Variants in MLYCD observed in about 807,000 individuals in gnomAD.
MLYCD encodes the protein malonyl-CoA decarboxylase, mitochondrial.
MLYCD carries 27 observed loss-of-function variants against 35.8 expected under a neutral mutation model. The ratio of observed to expected loss-of-function variants is 0.75; its 90% confidence interval spans 0.56 to 1.04. MLYCD has a LOEUF of 1.04. Among genes scored for constraint, MLYCD ranks in the 50% least tolerant of loss-of-function variants. The pLI is 0.00. For missense variants in MLYCD, 917 were observed against 665.1 expected, an observed-to-expected ratio of 1.38 and a Z score of -4.17; for synonymous variants, 403 against 302.4, an observed-to-expected ratio of 1.33 and a Z score of -3.45.
intron 1 of MLYCD, among the ~76,000 whole-genome samples, chr16:83,901,649 C>T (rs1906789695): frequency 6.6e-6 from 1 of 152,202 alleles, no homozygotes; most frequent in East Asian, 1.9e-4. Context: ...TTTTGTTCTT[C>T]CCCACTCAAG....
Position 83,908,234 on chromosome 16 carries a change from G to A in MLYCD, c.750G>A (p.Leu250=), listed in dbSNP as rs1159213636. 1.2e-6 allele frequency: 2 copies of A among 1,614,062 alleles called. No homozygotes were observed. The highest frequency in any genetic ancestry group is 2.2e-5 in the East Asian group (1 of 44,894). Residue 250 remains leucine (L), a synonymous_variant, in exon 3 of 5, where the codon CTG becomes CTA. Coordinates refer to ENST00000262430, the MANE Select transcript of MLYCD (RefSeq NM_012213.3). ...FSHCSTPGEP[L]VVLHVALTGD... ...ACTGTTCGACCCCTGGGGAGCCCCT[G>A]GTCGTTTTGCACGTGGCACTGACTG...
At chr16:83,914,709 A>G (rs903477967) in intron 4 of MLYCD, 41 of 520,040 alleles carry the variant, frequency 7.9e-5, no homozygotes, top group Non-Finnish European at 1.2e-4. Flanking sequence ...GACCCAGGAG[A>G]TGGAGGCTGC....
Position 83,925,650 on chromosome 16 carries a change from ACCCT to A in MLYCD, c.*10165_*10168del, listed in dbSNP as rs1429056405. On this transcript the variant is annotated 3_prime_UTR_variant, in exon 5 of 5. Transcript: ENST00000262430. The stretch of plus-strand genomic sequence containing the variant: ...GGCCTCTCAAGCCTGCTGTGGCCTG[ACCCT>A]CCCCTCTGCTTTTCCAGGCCCTCCT... 7.0e-6 allele frequency: 1 copy of A among 142,720 alleles called. No homozygotes were observed. Among genetic ancestry groups the A allele is most frequent in the Non-Finnish European group, 1.5e-5 (1 of 65,544 alleles). The allele number at this position is 142,720 out of a possible 1,614,324, so 8.8% of individuals were successfully genotyped here.
At chr16:83,911,436 C>A (rs747266020) in intron 3 of MLYCD, among the ~76,000 whole-genome samples, 1 of 152,204 alleles carries the variant, frequency 6.6e-6, no homozygotes, top group African/African-American at 2.4e-5. Flanking sequence ...GGTTTCCCTG[C>A]TTCAAAGCAA....
intron 1 of MLYCD, 118 bp from the exon 2 acceptor site, chr16:83,906,869 T>C: frequency 4.5e-6 from 4 of 887,094 alleles, no homozygotes; most frequent in Non-Finnish European, 5.8e-6. Flanking sequence ...AGAGTTGTCT[T>C]GCACAATTGT....
chr16:83,921,185 A>T lies in MLYCD; in HGVS notation c.*5696A>T, dbSNP rs1236592713. ...GATGGAAGGAAGATGGGTGGATGGA[A>T]GGAAGATGGATGGATGGAATGATGG... On this transcript the variant is annotated 3_prime_UTR_variant, in exon 5 of 5. Transcript: ENST00000262430. The T allele has an allele frequency of 6.8e-6, 1 of 147,468 alleles. No individual in the cohort carries two copies. The highest frequency in any genetic ancestry group is 6.7e-5 in the Admixed American group (1 of 14,862). 9.1% of individuals were successfully genotyped at this position (147,468 alleles called of 1,614,324 possible). A position where few individuals can be genotyped will look rare whatever the true frequency, so the allele number is the denominator to read the frequency against.
rs1399745223 is a variant in MLYCD at position 83,907,034 on chromosome 16, C to T, written c.576C>T (p.Ser192=). 19 of 1,613,910 alleles carry T rather than the reference C, an allele frequency of 1.2e-5. No individual in the cohort carries two copies. Among genetic ancestry groups the T allele is most frequent in the East Asian group, 4.5e-5 (2 of 44,866 alleles). The change falls in exon 2 of 5, where the codon TCC becomes TCT. Residue 192 remains serine, a synonymous_variant. Coordinates refer to ENST00000262430, the MANE Select transcript of MLYCD (RefSeq NM_012213.3). Reference sequence around the variant, plus strand: ...GAATGCTCTCAGAATGGTTTTCCTCCGGGTTCCTGAACCTAGAACGGGTTA... The same window carrying T: ...GAATGCTCTCAGAATGGTTTTCCTCTGGGTTCCTGAACCTAGAACGGGTTA... ...LKGMLSEWFS[S]GFLNLERVTW...
chr16:83,902,482 T>G (rs1207353557), intron 1 of MLYCD, among the ~76,000 whole-genome samples: 19 of 149,816 alleles, frequency 1.3e-4, no homozygotes, highest in Admixed American at 1.2e-3. Context: ...TGTGGTATGA[T>G]CTGATCTATT....
At chr16:83,899,998 A>T (rs1597286501) in intron 1 of MLYCD, among the ~76,000 whole-genome samples, 2 of 152,178 alleles carry the variant, frequency 1.3e-5, no homozygotes, top group Non-Finnish European at 2.9e-5. Context: ...TTTTGAAATT[A>T]TTGTAGCTGA....
At chr16:83,907,132 T>C in intron 2 of MLYCD, 33 bp downstream of exon 2, 1 of 1,520,332 alleles carries the variant, frequency 6.6e-7, no homozygotes, top group Non-Finnish European at 9.1e-7. Flanking sequence ...TCTTTGTACA[T>C]ACATTTTTCA....
intron 1 of MLYCD, among the ~76,000 whole-genome samples, chr16:83,902,290 C>T (rs1012304790): frequency 6.7e-6 from 1 of 149,854 alleles, no homozygotes; most frequent in East Asian, 2.0e-4. Context: ...TCTTGAACTC[C>T]TGGCCTCAAG....
In MLYCD at chr16:83,915,658, T is replaced by C; in HGVS notation, c.*169T>C. On this transcript the variant is annotated 3_prime_UTR_variant, in exon 5 of 5. Coordinates refer to ENST00000262430, the MANE Select transcript of MLYCD (RefSeq NM_012213.3). ...GGCCAGGCCTCAACTTCCCTCACCC[T>C]GGGCGTGACATGCACCCAGTGCAAG... is the stretch of plus-strand genomic sequence containing the variant. 6.7e-7 allele frequency: 1 copy of C among 1,501,936 alleles called. No individual in the cohort carries two copies. Among genetic ancestry groups the C allele is most frequent in the Non-Finnish European group, 8.9e-7 (1 of 1,128,774 alleles). The allele number at this position is 1,501,936 out of a possible 1,614,324, so 93.0% of individuals were successfully genotyped here. A position where few individuals can be genotyped will look rare whatever the true frequency, so the allele number is the denominator to read the frequency against.
At position 83,915,827 on chromosome 16, in the gene MLYCD, T is replaced by C; in HGVS notation, c.*338T>C. The stretch of plus-strand genomic sequence containing the variant: ...CAGGAAGCTGTGCAGCCTCTGCCAT[T>C]GCCATCCCAGGGGGATCTGGCATCC... On this transcript the variant is annotated 3_prime_UTR_variant, in exon 5 of 5. Coordinates refer to ENST00000262430, the MANE Select transcript of MLYCD (RefSeq NM_012213.3). 1.6e-6 allele frequency: 2 copies of C among 1,234,754 alleles called. No homozygotes were observed. The highest frequency in any genetic ancestry group is 2.1e-6 in the Non-Finnish European group (2 of 974,616). 76.5% of individuals were successfully genotyped at this position (1,234,754 alleles called of 1,614,324 possible).
rs1907788886 is a variant in MLYCD, at chr16:83,925,829, G to A, written c.*10340G>A. 6.6e-6 allele frequency: 1 copy of A among 152,492 alleles called. No homozygotes were observed. The highest frequency in any genetic ancestry group is 2.4e-5 in the African/African-American group (1 of 41,468). 9.4% of individuals were successfully genotyped at this position (152,492 alleles called of 1,614,324 possible). A position where few individuals can be genotyped will look rare whatever the true frequency, so the allele number is the denominator to read the frequency against. On this transcript the variant is annotated 3_prime_UTR_variant, in exon 5 of 5. Coordinates refer to ENST00000262430, the MANE Select transcript of MLYCD (RefSeq NM_012213.3). The stretch of plus-strand genomic sequence containing the variant: ...AGTTCATCCATCGTCCTCTCCTCAG[G>A]AAGATTTCCCTGGTGGCTTGACTAG...
In MLYCD at chr16:83,899,167, T is replaced by C. The variant is rs1171632147; in HGVS notation, c.23T>C (p.Leu8Ser). Reference sequence around the variant, plus strand: ...ACCATGCGAGGCTTCGGGCCAGGCTTGACGGCCAGGCGTCTCCTCCCGCTG... The same window carrying C: ...ACCATGCGAGGCTTCGGGCCAGGCTCGACGGCCAGGCGTCTCCTCCCGCTG... MRGFGPGLTARRLLPLRL... is the reference protein window; with the variant it reads MRGFGPGSTARRLLPLRL... The change falls in exon 1 of 5, where the codon TTG (leucine) becomes TCG (serine). Residue 8 changes from leucine (L) to serine (S), a missense_variant. Leu to Ser is a moderately radical substitution (Grantham distance 145, BLOSUM62 -2). Transcript: ENST00000262430. 1.7e-6 allele frequency: 2 copies of C among 1,162,208 alleles called. No homozygotes were observed. Among genetic ancestry groups the C allele is most frequent in the Non-Finnish European group, 2.1e-6 (2 of 946,540 alleles). 72.0% of individuals were successfully genotyped at this position (1,162,208 alleles called of 1,614,324 possible). A position where few individuals can be genotyped will look rare whatever the true frequency, so the allele number is the denominator to read the frequency against.
chr16:83,914,830 G>C (rs1355676156), intron 4 of MLYCD, 126 bp from the exon 5 acceptor site: 2 of 1,333,526 alleles, frequency 1.5e-6, no homozygotes, highest in Non-Finnish European at 1.1e-6. Context: ...ACATGTATCA[G>C]ATGTCACTCT....
chr16:83,912,438 G>A, intron 4 of MLYCD, 71 bp downstream of exon 4: 2 of 1,593,390 alleles, frequency 1.3e-6, no homozygotes, highest in Non-Finnish European at 1.7e-6. Context: ...CTCGTGGGGT[G>A]TCAGGTGCCA....
intron 1 of MLYCD, 117 bp downstream of exon 1, chr16:83,899,789 C>T: frequency 1.6e-6 from 2 of 1,282,518 alleles, no homozygotes; most frequent in African/African-American, 1.5e-5. Flanking sequence ...AGCACGCTCA[C>T]TTCGCCCGCA....
intron 1 of MLYCD, among the ~76,000 whole-genome samples, chr16:83,904,603 A>T (rs1020456760): frequency 1.3e-5 from 2 of 152,204 alleles, no homozygotes; most frequent in African/African-American, 2.4e-5. Context: ...AACTATAAAA[A>T]TGAATCAGAA....
Sources: gnomAD v4.1 joint callset for allele counts (sites outside exome capture counted in the v4.1 genomes callset) on GRCh38, gnomAD v4.1.1 for gene constraint, MANE v1.5 for transcripts, NCBI Gene and HGNC (gene_info 2026-07-23, HGNC 2026-07-21) for gene names.